Variants in XPR1 observed in about 807,000 individuals in gnomAD.
The protein encoded by XPR1 is solute carrier family 53 member 1.
In XPR1, 28 loss-of-function variants were observed where a neutral mutation model predicts 87.5. The ratio of observed to expected loss-of-function variants is 0.32; its 90% CI spans 0.24 to 0.44. XPR1 has a LOEUF of 0.44. Among genes scored for constraint, XPR1 ranks in the 20% least tolerant of loss-of-function variants. The probability of loss-of-function intolerance (pLI) is 1.00; values close to 1 mark genes in which losing one functional copy is unlikely to be tolerated. For missense variants in XPR1, 559 were observed against 862.3 expected (o/e 0.65, Z 4.41); for synonymous variants, 300 against 306.1 (o/e 0.98, Z 0.21).
intron 3 of XPR1, among the ~76,000 whole-genome samples, chr1:180,790,192 A>G (rs1558009417): frequency 6.6e-6 from 1 of 152,184 alleles, no homozygotes; most frequent in Non-Finnish European, 1.5e-5. Context: ...CAATCTTTGT[A>G]GAAGAGATAT....
intron 7 of XPR1, among the ~76,000 whole-genome samples, chr1:180,817,952 G>T (rs942862049): frequency 7.9e-5 from 12 of 151,396 alleles, no homozygotes; most frequent in African/African-American, 2.9e-4. Flanking sequence ...ATTAGAAAAT[G>T]AGTGAGATCT....
rs376026606 is a variant in XPR1, at chr1:180,709,614, GT to G, written c.121+27204del. On this transcript the variant is annotated intron_variant, in intron 2 of 14. Coordinates refer to ENST00000367590, the MANE Select transcript of XPR1 (RefSeq NM_004736.4). ...ATTATTTTGAGATTCCAAAGTAGCA[GT>G]GCAATTTTACGTTCACTTAGAATGT... Among the ~76,000 whole-genome samples the G allele has an allele frequency of 1.4e-4, 21 of 152,312 alleles. No individual in the cohort carries two copies. The South Asian group carries it at 4.4e-3, about 32-fold the overall frequency.
intron 1 of XPR1, among the ~76,000 whole-genome samples, chr1:180,644,493 G>A (rs1315239763): frequency 1.4e-5 from 2 of 144,410 alleles, no homozygotes; most frequent in African/African-American, 2.6e-5. Flanking sequence ...CTCATCTATT[G>A]TATGTGAAGT....
intron 3 of XPR1, among the ~76,000 whole-genome samples, chr1:180,797,946 A>T (rs1291530415): frequency 6.6e-6 from 1 of 152,208 alleles, no homozygotes; most frequent in Non-Finnish European, 1.5e-5. Flanking sequence ...TTTGATCCTA[A>T]GGATGATAAG....
chr1:180,693,288 G>A lies in XPR1; in HGVS notation c.121+10877G>A, dbSNP rs994874281. 3.3e-5 allele frequency among the ~76,000 whole-genome samples: 5 copies of A among 152,332 alleles called. No homozygotes were observed. The South Asian group carries it at 8.3e-4, about 25-fold the overall frequency. On this transcript the variant is annotated intron_variant, in intron 2 of 14. Coordinates refer to ENST00000367590, the MANE Select transcript of XPR1 (RefSeq NM_004736.4). ...TTCTTTAGGCAAGACCACCTAAGGT[G>A]TTCAGTAAAGAAACAACGAGAAAGC...
chr1:180,762,371 C>G (rs1442389602), intron 2 of XPR1, among the ~76,000 whole-genome samples: 2 of 152,062 alleles, frequency 1.3e-5, no homozygotes, highest in African/African-American at 4.8e-5. Flanking sequence ...TGTTGAAGTT[C>G]TGTGGTGAAC....
chr1:180,815,342 T>C (rs1328814453), intron 7 of XPR1, among the ~76,000 whole-genome samples: 1 of 152,214 alleles, frequency 6.6e-6, no homozygotes, highest in African/African-American at 2.4e-5. Flanking sequence ...TTACGCATTA[T>C]GTTTTCTCAC....
At chr1:180,722,506 G>A (rs1212706387) in intron 2 of XPR1, among the ~76,000 whole-genome samples, 2 of 152,194 alleles carry the variant, frequency 1.3e-5, no homozygotes, top group East Asian at 1.9e-4. Context: ...GTTGAGAAAT[G>A]AGACTGTGCA....
intron 9 of XPR1, among the ~76,000 whole-genome samples, chr1:180,829,650 G>A (rs1650983753): frequency 6.6e-6 from 1 of 152,104 alleles, no homozygotes; most frequent in African/African-American, 2.4e-5. Flanking sequence ...GATCATTAAG[G>A]CCTGTAAGCC....
At chr1:180,755,467 C>G (rs1647697591) in intron 2 of XPR1, among the ~76,000 whole-genome samples, 1 of 152,184 alleles carries the variant, frequency 6.6e-6, no homozygotes, top group Non-Finnish European at 1.5e-5. Context: ...CATGTGCACA[C>G]CTCACACATC....
chr1:180,810,742 G>T (rs1650177751), intron 6 of XPR1, among the ~76,000 whole-genome samples: 2 of 151,468 alleles, frequency 1.3e-5, no homozygotes, highest in Non-Finnish European at 2.9e-5. Flanking sequence ...AAATGAAATT[G>T]CATCTTAACT....
intron 11 of XPR1, among the ~76,000 whole-genome samples, chr1:180,838,750 T>G (rs1331078770): frequency 6.6e-6 from 1 of 152,168 alleles, no homozygotes; most frequent in Non-Finnish European, 1.5e-5. Flanking sequence ...GTCAGAAAAT[T>G]TCCATCTCTT....
intron 1 of XPR1, among the ~76,000 whole-genome samples, chr1:180,641,113 CA>C (rs1268461019): frequency 1.3e-5 from 2 of 152,194 alleles, no homozygotes; most frequent in Non-Finnish European, 2.9e-5. Flanking sequence ...GCTCCACCAA[CA>C]TACTAGTTGA....
intron 2 of XPR1, among the ~76,000 whole-genome samples, chr1:180,687,815 C>G (rs1273257784): frequency 6.6e-6 from 1 of 151,546 alleles, no homozygotes; most frequent in Non-Finnish European, 1.5e-5. Flanking sequence ...AGGATTTACT[C>G]TCAGGTATTC....
In XPR1 at chr1:180,888,708, A is replaced by G. The variant is rs1210781403; in HGVS notation, c.*4642A>G. 1 of 152,142 alleles carries G rather than the reference A, an allele frequency of 6.6e-6. No individual in the cohort carries two copies. The highest frequency in any genetic ancestry group is 1.5e-5 in the Non-Finnish European group (1 of 68,032). The allele number at this position is 152,142 out of a possible 1,614,324, so 9.4% of individuals were successfully genotyped here. On this transcript the variant is annotated 3_prime_UTR_variant, in exon 15 of 15. Coordinates refer to ENST00000367590, the MANE Select transcript of XPR1 (RefSeq NM_004736.4). ...AGTGTTAAAGGTTTTCTAAATGCAAACACATACGTTTCTGCATTTCAGAAG... is the reference window on the plus strand; with the variant it reads ...AGTGTTAAAGGTTTTCTAAATGCAAGCACATACGTTTCTGCATTTCAGAAG...
At chr1:180,776,191 T>C (rs1268104466) in intron 2 of XPR1, among the ~76,000 whole-genome samples, 1 of 119,202 alleles carries the variant, frequency 8.4e-6, no homozygotes, top group Non-Finnish European at 1.9e-5. Context: ...TCATTAAAAT[T>C]AATTTTCAAT....
At chr1:180,735,708 G>T (rs1288035311) in intron 2 of XPR1, among the ~76,000 whole-genome samples, 1 of 152,180 alleles carries the variant, frequency 6.6e-6, no homozygotes, top group Non-Finnish European at 1.5e-5. Context: ...AAATAAGATA[G>T]TTAAGAATAA....
chr1:180,738,868 A>G (rs374174685), intron 2 of XPR1, among the ~76,000 whole-genome samples: 22 of 152,114 alleles, frequency 1.4e-4, no homozygotes, highest in African/African-American at 4.1e-4. Context: ...TGGCCTTCAC[A>G]TAGCACAAGT....
intron 2 of XPR1, among the ~76,000 whole-genome samples, chr1:180,755,564 C>G (rs931604762): frequency 3.9e-5 from 6 of 152,206 alleles, no homozygotes; most frequent in African/African-American, 1.4e-4. Flanking sequence ...ATAGCTAGCC[C>G]TCTGCACTAC....
Sources: gnomAD v4.1 joint callset for allele counts (sites outside exome capture counted in the v4.1 genomes callset) on GRCh38, gnomAD v4.1.1 for gene constraint, MANE v1.5 for transcripts, NCBI Gene and HGNC (gene_info 2026-07-23, HGNC 2026-07-21) for gene names.